NSUN5: variants seen among roughly 807,000 people sequenced by gnomAD.
NSUN5 encodes NOP2/Sun RNA methyltransferase 5.
A neutral mutation model predicts 51.1 loss-of-function variants in NSUN5; 39 were observed. That is an observed-to-expected ratio of 0.76 (90% CI 0.59 to 1.00). NSUN5 has a LOEUF of 1.00. NSUN5 is among the 50% of genes least tolerant of loss of function. The pLI, the probability that NSUN5 is intolerant of heterozygous loss-of-function variation, is 0.00. For missense variants in NSUN5, 526 were observed against 614.0 expected, an observed-to-expected ratio of 0.86 and a Z score of 1.51; for synonymous variants, 266 against 271.5, an observed-to-expected ratio of 0.98 and a Z score of 0.20.
Position 73,308,820 on chromosome 7 carries a change from A to G in NSUN5, c.-30T>C. ...CCGCGCGCCTTTACGGCTCTGTGGC[A>G]AAACGCACCCGGCTCGGCGCCCGCC... On this transcript the variant is annotated 5_prime_UTR_variant, in exon 1 of 10. Transcript: ENST00000438747. 6.2e-7 allele frequency: 1 copy of G among 1,603,306 alleles called. No homozygotes were observed. Among genetic ancestry groups the G allele is most frequent in the Non-Finnish European group, 8.5e-7 (1 of 1,172,068 alleles).
At position 73,307,691 on chromosome 7, in the gene NSUN5, A is replaced by G. The variant is rs1293705682; in HGVS notation, c.283T>C (p.Leu95=). 6.2e-7 allele frequency: 1 copy of G among 1,610,460 alleles called. No homozygotes were observed. The highest frequency in any genetic ancestry group is 1.3e-5 in the African/African-American group (1 of 74,722). ...TTGAGCCTCGCCTGGTGCCGGCCCAACAGAGCCTTCCATCGGCCCCCACCC... is the reference window on the plus strand; with the variant it reads ...TTGAGCCTCGCCTGGTGCCGGCCCAGCAGAGCCTTCCATCGGCCCCCACCC... The part of the protein sequence containing the change: ...RGGGGRWKAL[L]GRHQARLKAE... Residue 95 remains leucine (L), a synonymous_variant, in exon 3 of 10, where the codon TTG becomes CTG. Transcript: ENST00000438747.
chr7:73,303,021 G>C lies in NSUN5; in HGVS notation c.*394C>G. On this transcript the variant is annotated 3_prime_UTR_variant, in exon 10 of 10. Coordinates refer to ENST00000438747, the MANE Select transcript of NSUN5 (RefSeq NM_148956.4). ...TCAGCACCTGAGCTAGTTTACCTCAGTTCCGCAGGCAGGACAGCCGGTCCG... is the reference window on the plus strand; with the variant it reads ...TCAGCACCTGAGCTAGTTTACCTCACTTCCGCAGGCAGGACAGCCGGTCCG... 1 of 1,281,902 alleles carries C rather than the reference G, an allele frequency of 7.8e-7. No homozygotes were observed. The highest frequency in any genetic ancestry group is 9.9e-7 in the Non-Finnish European group (1 of 1,007,222). The allele number at this position is 1,281,902 out of a possible 1,614,324, so 79.4% of individuals were successfully genotyped here. A position where few individuals can be genotyped will look rare whatever the true frequency, so the allele number is the denominator to read the frequency against.
intron 6 of NSUN5, 109 bp from the exon 7 acceptor site, chr7:73,304,517 C>T (rs1333650309): frequency 9.7e-6 from 11 of 1,129,844 alleles, no homozygotes; most frequent in Admixed American, 9.5e-5. Context: ...AAACGGCCTA[C>T]GTTTAAAGGG....
In NSUN5 at chr7:73,304,142, T is replaced by C. The variant is rs546097052; in HGVS notation, c.934+88A>G. The C allele has an allele frequency of 6.4e-6, 10 of 1,555,836 alleles. No individual in the cohort carries two copies. The East Asian group carries it at 1.6e-4, about 25-fold the overall frequency. ...TGTCCCAGGGTCCCAAGCCCATTAG[T>C]GTCAGAAGTAAGACCAAAACAAATG... On this transcript the variant is annotated intron_variant, in intron 7 of 9. Transcript: ENST00000438747.
At chr7:73,308,576 C>A (rs201320984) in intron 1 of NSUN5, 23 bp from the exon 2 acceptor site, 2 of 1,593,060 alleles carry the variant, frequency 1.3e-6, no homozygotes, top group African/African-American at 2.7e-5. Context: ...GGAAGACAAG[C>A]TGGGTGGGGG....
intron 4 of NSUN5, 60 bp from the exon 5 acceptor site, chr7:73,305,157 A>T (rs1230325109): frequency 1.9e-6 from 3 of 1,585,280 alleles, no homozygotes; most frequent in Non-Finnish European, 2.6e-6. Flanking sequence ...CCCCATTTCA[A>T]CGGTCCATTC....
At position 73,303,485 on chromosome 7, in the gene NSUN5, C is replaced by T. The variant is rs781970027; in HGVS notation, c.1331G>A (p.Ser444Asn). ...AKASAPERTP[S>N]PAPKRKKRQQ... The stretch of plus-strand genomic sequence containing the variant: ...TCTCTTCTTTCTCTTTGGGGCTGGG[C>T]TGGGTGTGCGTTCTGGTGCTGATGC... The change falls in exon 10 of 10, where the codon AGC becomes AAC. Residue 444 changes from serine to asparagine, a missense_variant. By Grantham distance (46) the Ser-to-Asn change is conservative. Transcript: ENST00000438747. 4 of 1,614,188 alleles carry T rather than the reference C, an allele frequency of 2.5e-6. No individual in the cohort carries two copies. Among genetic ancestry groups the T allele is most frequent in the Non-Finnish European group, 3.4e-6 (4 of 1,180,044 alleles).
rs144431100 is a variant in NSUN5 at position 73,304,273 on chromosome 7, A to G, written c.891T>C (p.His297=). 1.9e-5 allele frequency: 30 copies of G among 1,613,986 alleles called. No individual in the cohort carries two copies. The African/African-American group carries it at 3.7e-4, about 20-fold the overall frequency. Residue 297 remains histidine, a synonymous_variant, in exon 7 of 10, where the codon CAT becomes CAC. Transcript: ENST00000438747. ...GATCCAGCAGGATGTAGTGGACCTC[A>G]TGGTAGCGTGGATCCGAGGGGGAGA... The part of the protein sequence containing the change: ...LAVSPSDPRY[H]EVHYILLDPS...
chr7:73,307,610 A>G lies in NSUN5; in HGVS notation c.364T>C (p.Leu122=), dbSNP rs376226627. The change falls in exon 3 of 10, where the codon TTG becomes CTG. Residue 122 remains leucine (L), a synonymous_variant. Coordinates refer to ENST00000438747, the MANE Select transcript of NSUN5 (RefSeq NM_148956.4). ...HRGVSRNEDL[L]EVGSRPGPAS... ...GGACCAGGCCTGGATCCCACTTCCA[A>G]CAGGTCCTCATTCCGGCTCACACCC... 85 of 1,540,292 alleles carry G rather than the reference A, an allele frequency of 5.5e-5. No individual in the cohort carries two copies. The highest frequency in any genetic ancestry group is 7.1e-5 in the Admixed American group (4 of 56,118).
chr7:73,304,234 G>A lies in NSUN5; in HGVS notation c.930C>T (p.Gly310=), dbSNP rs1188084194. Reference sequence around the variant, plus strand: ...CACGCTTTCTCGCCATCTCACCCGAGCCACTGCAGGAAGGATCCAGCAGGA... The same window carrying A: ...CACGCTTTCTCGCCATCTCACCCGAACCACTGCAGGAAGGATCCAGCAGGA... ...HYILLDPSCS[G]SGMPSRQLEE... Residue 310 remains glycine, a synonymous_variant, in exon 7 of 10, where the codon GGC becomes GGT. Coordinates refer to ENST00000438747, the MANE Select transcript of NSUN5 (RefSeq NM_148956.4). 2 of 1,608,110 alleles carry A rather than the reference G, an allele frequency of 1.2e-6. No individual in the cohort carries two copies. The highest frequency in any genetic ancestry group is 1.3e-5 in the African/African-American group (1 of 74,874).
chr7:73,302,838 G>C lies in NSUN5; in HGVS notation c.*577C>G, dbSNP rs1803858266. ...TGGGGCTGCTCCTTCCCACCCCTCA[G>C]AACAGCTCTGATCCTCGTTAATACC... On this transcript the variant is annotated 3_prime_UTR_variant, in exon 10 of 10. Transcript: ENST00000438747. 1 of 1,005,190 alleles carries C rather than the reference G, an allele frequency of 9.9e-7. No individual in the cohort carries two copies. Among genetic ancestry groups the C allele is most frequent in the Non-Finnish European group, 1.2e-6 (1 of 839,984 alleles). The allele number at this position is 1,005,190 out of a possible 1,614,324, so 62.3% of individuals were successfully genotyped here.
rs781945001 is a variant in NSUN5, at chr7:73,304,365, T to A, written c.799A>T (p.Met267Leu). 4 of 1,613,718 alleles carry A rather than the reference T, an allele frequency of 2.5e-6. No individual in the cohort carries two copies. The Admixed American group carries it at 6.7e-5, about 27-fold the overall frequency. The change falls in exon 7 of 10, where the codon ATG (methionine) becomes TTG (leucine). Residue 267 changes from methionine to leucine, a missense_variant. Coordinates refer to ENST00000438747, the MANE Select transcript of NSUN5 (RefSeq NM_148956.4). ...FDLDAKRLAS[M>L]ATLLARAGVS... Reference sequence around the variant, plus strand: ...CCAGCCCGGGCCAGCAGCGTGGCCATGGATGCCAGCCGCTTGGCATCCAGG... The same window carrying A: ...CCAGCCCGGGCCAGCAGCGTGGCCAAGGATGCCAGCCGCTTGGCATCCAGG...
rs782731794 is a variant in NSUN5, at chr7:73,304,827, CG to C, written c.674del (p.Pro225ArgfsTer24). 5.0e-6 allele frequency: 8 copies of C among 1,613,764 alleles called. No homozygotes were observed. The highest frequency in any genetic ancestry group is 2.2e-5 in the South Asian group (2 of 91,064). ...AGGCATCGATGACATGGGAGCCTGG[CG>C]GGGGGTCCAGCAGCATGGCTGGGAG... is the stretch of plus-strand genomic sequence containing the variant. ...SCLPAMLLDP[P>X]PGSHVIDACA... On this transcript the variant is annotated frameshift_variant, in exon 6 of 10. Transcript: ENST00000438747. LOFTEE classifies it high-confidence loss of function.
intron 7 of NSUN5, 41 bp from the exon 8 acceptor site, chr7:73,304,077 A>G (rs782209099): frequency 1.2e-6 from 2 of 1,602,972 alleles, no homozygotes; most frequent in Non-Finnish European, 8.5e-7. Flanking sequence ...TTCACAGGCT[A>G]CCTCAGTCCT....
Position 73,304,960 on chromosome 7 carries a change from C to G in NSUN5, c.638G>C (p.Arg213Thr). 6.2e-7 allele frequency: 1 copy of G among 1,611,964 alleles called. No homozygotes were observed. The highest frequency in any genetic ancestry group is 8.5e-7 in the Non-Finnish European group (1 of 1,178,264). Residue 213 changes from arginine (R) to threonine (T), a missense_variant and splice_region_variant, in exon 5 of 10, where the codon AGG (arginine) becomes ACG (threonine). Coordinates refer to ENST00000438747, the MANE Select transcript of NSUN5 (RefSeq NM_148956.4). ...YRAGHLILQD[R>T]ASCLPAMLLD... ...CCCTTTTCTATTCCTCTTGCCTACC[C>G]TGTCCTGCAGAATGAGGTGTCCGGC...
chr7:73,303,524 G>A lies in NSUN5; in HGVS notation c.1292C>T (p.Ala431Val), dbSNP rs1554541063. The change falls in exon 10 of 10, where the codon GCC (alanine) becomes GTC (valine). Residue 431 changes from alanine to valine, a missense_variant. Coordinates refer to ENST00000438747, the MANE Select transcript of NSUN5 (RefSeq NM_148956.4). ...TGGTGCTGATGCTTTGGCCTGTGAG[G>A]CTGAGCTAGAGAAGTGTAGATGTTA... ...VIERVEVPSSASQAKASAPER... is the reference protein window; with the variant it reads ...VIERVEVPSSVSQAKASAPER... The A allele has an allele frequency of 8.7e-6, 14 of 1,614,196 alleles. No individual in the cohort carries two copies. Among genetic ancestry groups the A allele is most frequent in the East Asian group, 2.2e-5 (1 of 44,862 alleles).
rs781792761 is a variant in NSUN5, at chr7:73,308,527, C to T, written c.120G>A (p.Val40=). The T allele has an allele frequency of 6.2e-7, 1 of 1,602,746 alleles. No homozygotes were observed. Among genetic ancestry groups the T allele is most frequent in the East Asian group, 2.2e-5 (1 of 44,592 alleles). ...FQNVKQLYAL[V]CETQRYSAVL... ...CGGCGGAGTAGCGCTGCGTTTCGCACACCAGCGCGTACAGCTGCTTCACGT... is the reference window on the plus strand; with the variant it reads ...CGGCGGAGTAGCGCTGCGTTTCGCATACCAGCGCGTACAGCTGCTTCACGT... Residue 40 remains valine (V), a synonymous_variant, in exon 2 of 10, where the codon GTG becomes GTA. Coordinates refer to ENST00000438747, the MANE Select transcript of NSUN5 (RefSeq NM_148956.4).
In NSUN5 at chr7:73,304,365, T is replaced by C. The variant is rs781945001; in HGVS notation, c.799A>G (p.Met267Val). Residue 267 changes from methionine (M) to valine (V), a missense_variant, in exon 7 of 10, where the codon ATG (methionine) becomes GTG (valine). Physicochemically the swap from Met to Val is conservative, Grantham distance 21. Transcript: ENST00000438747. ...FDLDAKRLASMATLLARAGVS... is the reference protein window; with the variant it reads ...FDLDAKRLASVATLLARAGVS... ...CCAGCCCGGGCCAGCAGCGTGGCCA[T>C]GGATGCCAGCCGCTTGGCATCCAGG... The C allele has an allele frequency of 1.9e-6, 3 of 1,613,718 alleles. No homozygotes were observed. The African/African-American group carries it at 4.0e-5, about 22-fold the overall frequency.
In NSUN5 at chr7:73,304,983, G is replaced by A. The variant is rs782049741; in HGVS notation, c.615C>T (p.Ala205=). Residue 205 remains alanine, a synonymous_variant, in exon 5 of 10, where the codon GCC becomes GCT. Transcript: ENST00000438747. Reference sequence around the variant, plus strand: ...CCCTGTCCTGCAGAATGAGGTGTCCGGCCCGGTACAGTGGGTGTTCATGCA... The same window carrying A: ...CCCTGTCCTGCAGAATGAGGTGTCCAGCCCGGTACAGTGGGTGTTCATGCA... The part of the protein sequence containing the change: ...TDLHEHPLYR[A]GHLILQDRAS... 1.2e-5 allele frequency: 19 copies of A among 1,611,646 alleles called. No homozygotes were observed. Among genetic ancestry groups the A allele is most frequent in the South Asian group, 3.3e-5 (3 of 91,014 alleles).
Sources: allele counts gnomAD v4.1 joint callset, GRCh38; gene constraint gnomAD v4.1.1; transcripts MANE v1.5; gene names NCBI Gene and HGNC (gene_info 2026-07-23, HGNC 2026-07-21).